Variants in EYA2 observed in about 807,000 individuals in gnomAD.
EYA2 encodes the protein EYA transcriptional coactivator and phosphatase 2.
EYA2 carries 31 observed loss-of-function variants against 69.2 expected under a neutral mutation model. The ratio of observed to expected loss-of-function variants is 0.45; its 90% CI spans 0.34 to 0.60. The LOEUF (loss-of-function observed/expected upper bound fraction) is 0.60, where lower values mean the gene tolerates loss of function less well. Ranked by LOEUF, EYA2 falls within the 20% of genes least tolerant of loss-of-function variation. EYA2 has a pLI of 0.02. For synonymous variants in EYA2, 257 were observed against 279.4 expected, an observed-to-expected ratio of 0.92 and a Z score of 0.80; for missense variants, 622 against 701.2, an observed-to-expected ratio of 0.89 and a Z score of 1.28.
chr20:46,996,254 G>A (rs956229459), intron 2 of EYA2, among the ~76,000 whole-genome samples: 2 of 152,118 alleles, frequency 1.3e-5, no homozygotes, highest in East Asian at 3.8e-4. Context: ...TCTTAAAACT[G>A]GATCTTTTGC....
intron 1 of EYA2, among the ~76,000 whole-genome samples, chr20:46,940,951 G>A (rs1014999154): frequency 6.6e-6 from 1 of 152,190 alleles, no homozygotes; most frequent in Non-Finnish European, 1.5e-5. Flanking sequence ...CATCTGTCTC[G>A]CCACCTGCAA....
chr20:47,045,632 C>T (rs1404334678), intron 5 of EYA2, among the ~76,000 whole-genome samples: 1 of 152,202 alleles, frequency 6.6e-6, no homozygotes, highest in Non-Finnish European at 1.5e-5. Flanking sequence ...CCTGAAGCTG[C>T]CCCTGTCTTC....
At chr20:46,936,611 GT>G (rs1345795667) in intron 1 of EYA2, among the ~76,000 whole-genome samples, 1 of 152,142 alleles carries the variant, frequency 6.6e-6, no homozygotes, top group Non-Finnish European at 1.5e-5. Flanking sequence ...ACAAAGGCAG[GT>G]GTCTTTCTCT....
At chr20:46,936,082 A>T (rs756486314) in intron 1 of EYA2, among the ~76,000 whole-genome samples, 4 of 152,160 alleles carry the variant, frequency 2.6e-5, no homozygotes, top group Non-Finnish European at 5.9e-5. Flanking sequence ...AAAAAGTCTG[A>T]AATCCTAAAC....
intron 10 of EYA2, among the ~76,000 whole-genome samples, chr20:47,144,406 C>CA (rs1417475363): frequency 2.0e-5 from 3 of 150,312 alleles, no homozygotes; most frequent in South Asian, 2.1e-4. Context: ...AAACTGTATA[C>CA]AAAAAAACAA....
At chr20:46,948,277 C>T (rs75066380) in intron 1 of EYA2, among the ~76,000 whole-genome samples, 65 of 152,272 alleles carry the variant, frequency 4.3e-4, no homozygotes, top group African/African-American at 1.5e-3. Context: ...CAGCAGTTGT[C>T]ACGTAAAAAC....
chr20:46,978,762 G>C, intron 1 of EYA2: 1 of 522,714 alleles, frequency 1.9e-6, no homozygotes, highest in Non-Finnish European at 3.9e-6. Flanking sequence ...AGAGAGGATG[G>C]TGGCTTGGAC....
chr20:46,944,740 C>A (rs929166559), intron 1 of EYA2, among the ~76,000 whole-genome samples: 5 of 152,128 alleles, frequency 3.3e-5, no homozygotes, highest in African/African-American at 9.7e-5. Context: ...AACAGGTATC[C>A]AGTAAAAAGG....
chr20:46,959,050 T>C (rs1443415173), intron 1 of EYA2, among the ~76,000 whole-genome samples: 1 of 152,230 alleles, frequency 6.6e-6, no homozygotes, highest in African/African-American at 2.4e-5. Flanking sequence ...TTCCTTTGGG[T>C]ATATACCCAG....
intron 9 of EYA2, among the ~76,000 whole-genome samples, chr20:47,130,622 G>T (rs1035822880): frequency 1.3e-5 from 2 of 152,006 alleles, no homozygotes; most frequent in Non-Finnish European, 2.9e-5. Flanking sequence ...AAACATGACC[G>T]CAATAGAAGA....
intron 1 of EYA2, among the ~76,000 whole-genome samples, chr20:46,982,561 C>G (rs1319928921): frequency 6.6e-6 from 1 of 152,152 alleles, no homozygotes; most frequent in Non-Finnish European, 1.5e-5. Context: ...TCCTCTCCTT[C>G]TGTGGCTCCT....
intron 6 of EYA2, among the ~76,000 whole-genome samples, chr20:47,073,619 C>G (rs931591958): frequency 6.6e-6 from 1 of 152,082 alleles, no homozygotes; most frequent in African/African-American, 2.4e-5. Context: ...GTGACCAGGA[C>G]AGGTGCCATC....
chr20:46,905,094 A>G (rs1188290870), intron 1 of EYA2, among the ~76,000 whole-genome samples: 2 of 152,178 alleles, frequency 1.3e-5, no homozygotes, highest in South Asian at 2.1e-4. Flanking sequence ...AAAAAAGTCT[A>G]TTCAGGGAGG....
At chr20:47,024,517 G>C (rs918225259) in intron 5 of EYA2, among the ~76,000 whole-genome samples, 4 of 152,224 alleles carry the variant, frequency 2.6e-5, no homozygotes, top group African/African-American at 9.6e-5. Context: ...GTGCTCATCA[G>C]TTCTCAGGTG....
chr20:46,901,943 A>G (rs1984136139), intron 1 of EYA2, among the ~76,000 whole-genome samples: 1 of 152,218 alleles, frequency 6.6e-6, no homozygotes, highest in African/African-American at 2.4e-5. Context: ...TAAACAGACC[A>G]TACTCCCTGG....
Position 47,183,284 on chromosome 20 carries a change from C to A in EYA2, c.1436-7C>A. On this transcript the variant is annotated splice_region_variant and splice_polypyrimidine_tract_variant and intron_variant, in intron 14 of 15. Transcript: ENST00000327619. Reference sequence around the variant, plus strand: ...GCGTTTTTTCTTTCCTTCCTGTGTGCGTGCAGGGAAGGAGAGCTGCTTCGA... The same window carrying A: ...GCGTTTTTTCTTTCCTTCCTGTGTGAGTGCAGGGAAGGAGAGCTGCTTCGA... 6.2e-7 allele frequency: 1 copy of A among 1,612,982 alleles called. No homozygotes were observed. Among genetic ancestry groups the A allele is most frequent in the Non-Finnish European group, 8.5e-7 (1 of 1,179,486 alleles).
intron 11 of EYA2, 49 bp from the exon 12 acceptor site, chr20:47,172,658 C>A: frequency 3.3e-6 from 5 of 1,538,454 alleles, no homozygotes; most frequent in Non-Finnish European, 4.4e-6. Flanking sequence ...AGGGAAGATG[C>A]CCTGCACCCC....
intron 1 of EYA2, among the ~76,000 whole-genome samples, chr20:46,955,008 T>TA (rs1411150894): frequency 6.6e-6 from 1 of 152,190 alleles, no homozygotes; most frequent in African/African-American, 2.4e-5. Flanking sequence ...CTGCAGGCCT[T>TA]TTCTCAGCCT....
At chr20:47,021,718 C>T (rs1774484367) in intron 5 of EYA2, among the ~76,000 whole-genome samples, 1 of 151,250 alleles carries the variant, frequency 6.6e-6, no homozygotes, top group Admixed American at 6.6e-5. Flanking sequence ...AACATAAAGA[C>T]TGAAGCTTAG....
Sources: gnomAD v4.1 joint callset for allele counts (sites outside exome capture counted in the v4.1 genomes callset) on GRCh38, gnomAD v4.1.1 for gene constraint, MANE v1.5 for transcripts, NCBI Gene and HGNC (gene_info 2026-07-23, HGNC 2026-07-21) for gene names.